Variants in ZNF536 observed in about 807,000 individuals in gnomAD.
ZNF536 encodes the protein zinc finger protein 536.
In ZNF536, 13 loss-of-function variants were observed where a neutral mutation model predicts 84.5. The ratio of observed to expected loss-of-function variants is 0.15; its 90% CI spans 0.10 to 0.24. ZNF536 has a LOEUF of 0.24. Among genes scored for constraint, ZNF536 ranks in the 10% least tolerant of loss-of-function variants. The pLI is 1.00. For missense variants in ZNF536, 1,536 were observed against 1,747.5 expected (o/e 0.88, Z 2.16); for synonymous variants, 811 against 742.5 (o/e 1.09, Z -1.50).
intron 1 of ZNF536, among the ~76,000 whole-genome samples, chr19:30,670,141 G>C (rs2050488471): frequency 6.6e-6 from 1 of 152,206 alleles, no homozygotes; most frequent in South Asian, 2.1e-4. Context: ...GCGGAAGGAG[G>C]GGTACGTGGG....
At chr19:30,338,558 T>A (rs2146510057) in intron 2 of ZNF536, among the ~76,000 whole-genome samples, 1 of 152,232 alleles carries the variant, frequency 6.6e-6, no homozygotes, top group East Asian at 1.9e-4. Context: ...TGTGGTATAG[T>A]GGCTAAAAGA....
chr19:30,347,702 G>C (rs1209678400), intron 2 of ZNF536, among the ~76,000 whole-genome samples: 3 of 152,184 alleles, frequency 2.0e-5, no homozygotes, highest in African/African-American at 7.2e-5. Flanking sequence ...ACAGGGCCAG[G>C]GGTCTCATTG....
intron 1 of ZNF536, among the ~76,000 whole-genome samples, chr19:30,376,066 T>C (rs2048807865): frequency 6.6e-6 from 1 of 152,094 alleles, no homozygotes; most frequent in Non-Finnish European, 1.5e-5. Context: ...TGTATGCCCA[T>C]GTGTGTGCTT....
At chr19:30,593,175 C>A (rs2047333620) in intron 1 of ZNF536, among the ~76,000 whole-genome samples, 1 of 152,146 alleles carries the variant, frequency 6.6e-6, no homozygotes, top group East Asian at 1.9e-4. Flanking sequence ...CTCTTTCTCG[C>A]TGCTCTCTTC....
At chr19:30,687,255 A>G (rs1568671771) in intron 1 of ZNF536, among the ~76,000 whole-genome samples, 1 of 152,202 alleles carries the variant, frequency 6.6e-6, no homozygotes, top group African/African-American at 2.4e-5. Context: ...AGGATGTGAA[A>G]CAAAATTTAA....
In ZNF536 at chr19:30,585,797, A is replaced by C. The variant is rs186710912; in HGVS notation, c.169+36283A>C. On this transcript the variant is annotated intron_variant, in intron 1 of 1. Coordinates refer to the ZNF536 transcript ENST00000592773. Reference sequence around the variant, plus strand: ...TCATTTCAGGGCTGTGTCAAGCCTCACGTCCCCCAACAAGCCTTTCCTGTT... The same window carrying C: ...TCATTTCAGGGCTGTGTCAAGCCTCCCGTCCCCCAACAAGCCTTTCCTGTT... Among the ~76,000 whole-genome samples the C allele has an allele frequency of 1.1e-3, 170 of 151,990 alleles. 2 individuals carry two copies. The highest frequency in any genetic ancestry group is 4.1e-3 in the African/African-American group (168 of 41,420).
At chr19:30,666,604 G>A (rs1188168896) in intron 1 of ZNF536, among the ~76,000 whole-genome samples, 2 of 152,012 alleles carry the variant, frequency 1.3e-5, no homozygotes, top group Non-Finnish European at 2.9e-5. Flanking sequence ...AACAGCTCCG[G>A]GCTCTGGGGG....
intron 1 of ZNF536, among the ~76,000 whole-genome samples, chr19:30,430,062 G>A (rs184064179): frequency 3.7e-4 from 57 of 152,158 alleles, no homozygotes; most frequent in African/African-American, 1.3e-3. Context: ...AGGGGATTGG[G>A]AGTGGCTGTG....
intron 1 of ZNF536, among the ~76,000 whole-genome samples, chr19:30,245,079 T>A (rs1457817803): frequency 6.6e-6 from 1 of 152,050 alleles, no homozygotes; most frequent in Admixed American, 6.5e-5. Flanking sequence ...GCCTCACTGG[T>A]CTCCTTTCAG....
At chr19:30,584,265 TC>T (rs947301232) in intron 1 of ZNF536, among the ~76,000 whole-genome samples, 3 of 152,154 alleles carry the variant, frequency 2.0e-5, no homozygotes, top group African/African-American at 7.2e-5. Flanking sequence ...GGACCTCCTC[TC>T]CCCTGCTCCT....
chr19:30,703,147 G>C (rs1201588962), intron 1 of ZNF536, among the ~76,000 whole-genome samples: 1 of 152,196 alleles, frequency 6.6e-6, no homozygotes, highest in Non-Finnish European at 1.5e-5. Context: ...GGGGCAGGCA[G>C]AGTCCAGATC....
intron 1 of ZNF536, among the ~76,000 whole-genome samples, chr19:30,658,001 C>A (rs2049977291): frequency 7.2e-6 from 1 of 138,522 alleles, no homozygotes. Context: ...GTTTAATACC[C>A]TTCAATGGCT....
At chr19:30,466,670 C>CT (rs111341956) in intron 2 of ZNF536, among the ~76,000 whole-genome samples, 58,338 of 142,422 alleles carry the variant, frequency 0.41, 14,816 homozygotes, top group African/African-American at 0.7. Flanking sequence ...GAGTTTTGCT[C>CT]TGTTGTCCAG....
intron 1 of ZNF536, among the ~76,000 whole-genome samples, chr19:30,385,484 C>T (rs976014881): frequency 7.9e-5 from 12 of 152,010 alleles, no homozygotes; most frequent in Admixed American, 2.6e-4. Flanking sequence ...GAGTTCCTGA[C>T]TGTCCTCTGT....
At chr19:30,461,266 G>A (rs1274651001) in intron 2 of ZNF536, among the ~76,000 whole-genome samples, 1 of 152,188 alleles carries the variant, frequency 6.6e-6, no homozygotes, top group African/African-American at 2.4e-5. Context: ...ACCCACCTCT[G>A]TGTGACCTCA....
intron 1 of ZNF536, among the ~76,000 whole-genome samples, chr19:30,606,674 C>T (rs947399817): frequency 5.3e-5 from 8 of 152,116 alleles, no homozygotes; most frequent in Admixed American, 3.9e-4. Context: ...GAAGAATGGT[C>T]CTGAGTGTGA....
At chr19:30,641,321 T>C (rs2049259464) in intron 1 of ZNF536, among the ~76,000 whole-genome samples, 1 of 152,244 alleles carries the variant, frequency 6.6e-6, no homozygotes, top group Admixed American at 6.5e-5. Context: ...CATTGCTTAC[T>C]GCATGAAGAA....
At chr19:30,486,464 G>T (rs1021391238) in intron 2 of ZNF536, among the ~76,000 whole-genome samples, 2 of 152,150 alleles carry the variant, frequency 1.3e-5, no homozygotes, top group African/African-American at 4.8e-5. Flanking sequence ...GTATTCCATG[G>T]TATACATGTA....
chr19:30,259,028 A>AT (rs955130032), intron 1 of ZNF536, among the ~76,000 whole-genome samples: 1 of 152,038 alleles, frequency 6.6e-6, no homozygotes, highest in African/African-American at 2.4e-5. Flanking sequence ...AAAATTTTTT[A>AT]TTTTTTTATT....
Sources: allele counts gnomAD v4.1 joint callset (sites outside exome capture counted in the v4.1 genomes callset), GRCh38; gene constraint gnomAD v4.1.1; transcripts MANE v1.5; gene names NCBI Gene and HGNC (gene_info 2026-07-23, HGNC 2026-07-21).